The following ANKK1 variants were observed in gnomAD, a reference collection of about 807,000 sequenced individuals.
The protein encoded by ANKK1 is ankyrin repeat and kinase domain containing 1, also known as ankyrin repeat and protein kinase domain-containing protein 1.
In ANKK1, 37 loss-of-function variants were observed where a neutral mutation model predicts 37.6. The observed-to-expected ratio is 0.98, with a 90% CI of 0.76 to 1.29. The LOEUF is 1.29. Ranked by LOEUF, ANKK1 falls within the 50% of genes most tolerant of loss-of-function variation. The pLI is 0.00. For missense variants in ANKK1, 1,019 were observed against 990.6 expected, an observed-to-expected ratio of 1.03 and a Z score of -0.39; for synonymous variants, 415 against 418.7, an observed-to-expected ratio of 0.99 and a Z score of 0.11.
intron 6 of ANKK1, 69 bp downstream of exon 6, chr11:113,397,411 T>C: frequency 1.5e-6 from 2 of 1,349,864 alleles, no homozygotes; most frequent in Non-Finnish European, 2.1e-6. Context: ...ACTGTTGTGA[T>C]CTCTGGCCAG....
In ANKK1 at chr11:113,399,416, C is replaced by T. The variant is rs533347208; in HGVS notation, c.1447C>T (p.Arg483Cys). 4.0e-5 allele frequency: 64 copies of T among 1,599,896 alleles called. 2 individuals are homozygous for T. The highest frequency in any genetic ancestry group is 2.9e-4 in the South Asian group (26 of 88,296). ...GAATGTGGCACGGCTTCTGGTCTCC[C>T]GTCAGGCTGACCCCAACCTGCATGA... Reference protein sequence around the residue: ...FENVARLLVSRQADPNLHEAE... With the variant: ...FENVARLLVSCQADPNLHEAE... Residue 483 changes from arginine (R) to cysteine (C), a missense_variant, in exon 8 of 8, where the codon CGT becomes TGT. Physicochemically the swap from Arg to Cys is radical, Grantham distance 180. Transcript: ENST00000303941.
In ANKK1 at chr11:113,388,090, C is replaced by G. The variant is rs1262526613; in HGVS notation, c.185+21C>G. 2.8e-6 allele frequency: 4 copies of G among 1,453,806 alleles called. No individual in the cohort carries two copies. In the Admixed American group the frequency reaches 9.6e-5, roughly 35 times the overall value. The allele number at this position is 1,453,806 out of a possible 1,614,324, so 90.1% of individuals were successfully genotyped here. On this transcript the variant is annotated intron_variant, in intron 1 of 7. Transcript: ENST00000303941. ...GCCAGGTACTGCCAGCCTCGCCCTC[C>G]CCTTTCTCGGAGGAGAAACTGAGGC...
At chr11:113,397,192 C>T (rs1322004593) in intron 5 of ANKK1, 32 bp from the exon 6 acceptor site, 10 of 1,582,524 alleles carry the variant, frequency 6.3e-6, no homozygotes, top group Non-Finnish European at 8.6e-6. Flanking sequence ...CCCGTTGCTT[C>T]CTTTCCTGTC....
In ANKK1 at chr11:113,396,048, C is replaced by A; in HGVS notation, c.683-19C>A. The A allele has an allele frequency of 1.2e-6, 2 of 1,612,746 alleles. No homozygotes were observed. The highest frequency in any genetic ancestry group is 8.5e-7 in the Non-Finnish European group (1 of 1,179,176). ...GCCCTACCTCTCAGCACCCACATAGCCTGAGCCTCCCTTTGCAGGGTTCAA... is the reference window on the plus strand; with the variant it reads ...GCCCTACCTCTCAGCACCCACATAGACTGAGCCTCCCTTTGCAGGGTTCAA... On this transcript the variant is annotated intron_variant, in intron 4 of 7. Transcript: ENST00000303941.
chr11:113,387,831 C>A lies in ANKK1; in HGVS notation c.-54C>A. 7.0e-7 allele frequency: 1 copy of A among 1,437,612 alleles called. No individual in the cohort carries two copies. Among genetic ancestry groups the A allele is most frequent in the Non-Finnish European group, 9.1e-7 (1 of 1,093,678 alleles). 89.1% of individuals were successfully genotyped at this position (1,437,612 alleles called of 1,614,324 possible). ...GGAAGCGGCGGCTCCTTCGGCCACC[C>A]AGGCAGCAGCCACAGCGGGGAGTGC... On this transcript the variant is annotated 5_prime_UTR_variant, in exon 1 of 8. Coordinates refer to ENST00000303941, the MANE Select transcript of ANKK1 (RefSeq NM_178510.2).
chr11:113,399,507 T>C lies in ANKK1; in HGVS notation c.1538T>C (p.Leu513Pro). Residue 513 changes from leucine (L) to proline (P), a missense_variant, in exon 8 of 8, where the codon CTG (leucine) becomes CCG (proline). By Grantham distance (98) the Leu-to-Pro change is moderately conservative. Coordinates refer to ENST00000303941, the MANE Select transcript of ANKK1 (RefSeq NM_178510.2). ...GGCCATGTTAGCCTGGTCAAGCTGC[T>C]GACCAGCCAGGGGGCTGAGTTGGAT... ...YFGHVSLVKLLTSQGAELDAQ... is the reference protein window; with the variant it reads ...YFGHVSLVKLPTSQGAELDAQ... 6.3e-7 allele frequency: 1 copy of C among 1,594,178 alleles called. No individual in the cohort carries two copies. The highest frequency in any genetic ancestry group is 8.5e-7 in the Non-Finnish European group (1 of 1,170,766).
At chr11:113,395,280 C>G (rs1950628377) in intron 3 of ANKK1, 79 bp from the exon 4 acceptor site, 1 of 1,578,174 alleles carries the variant, frequency 6.3e-7, no homozygotes, top group African/African-American at 1.3e-5. Context: ...AACTGTAGCC[C>G]CCCGACCCTG....
At chr11:113,395,157 C>T in intron 3 of ANKK1, 77 bp downstream of exon 3, 6 of 1,529,054 alleles carry the variant, frequency 3.9e-6, no homozygotes, top group Non-Finnish European at 5.3e-6. Flanking sequence ...CCTCTATGGC[C>T]CAAAGGGCAG....
chr11:113,399,714 A>G lies in ANKK1; in HGVS notation c.1745A>G (p.Tyr582Cys). ...CTGATCTGCAAGATGCTGCTCAGGTACGGAGCCAGCCTTGAGCTGCCCACC... is the reference window on the plus strand; with the variant it reads ...CTGATCTGCAAGATGCTGCTCAGGTGCGGAGCCAGCCTTGAGCTGCCCACC... ...KYLICKMLLR[Y>C]GASLELPTHQ... is the part of the protein sequence containing the mutation. Residue 582 changes from tyrosine to cysteine, a missense_variant, in exon 8 of 8, where the codon TAC (tyrosine) becomes TGC (cysteine). Physicochemically the swap from Tyr to Cys is radical, Grantham distance 194. Transcript: ENST00000303941. 1 of 1,599,052 alleles carries G rather than the reference A, an allele frequency of 6.3e-7. No homozygotes were observed.
chr11:113,389,495 G>C lies in ANKK1; in HGVS notation c.185+1426G>C, dbSNP rs369753671. 8.2e-4 allele frequency among the ~76,000 whole-genome samples: 125 copies of C among 152,228 alleles called. 4 individuals carry two copies. The South Asian group carries it at 0.025, about 31-fold the overall frequency. On this transcript the variant is annotated intron_variant, in intron 1 of 7. Transcript: ENST00000303941. The stretch of plus-strand genomic sequence containing the variant: ...TGCAACAGATGTGTCCTTTCTCTCC[G>C]GGAGATTGCAGCCTAGGGGGAGGAA...
rs34983219 is a variant in ANKK1 at position 113,399,320 on chromosome 11, G to A, written c.1351G>A (p.Gly451Arg). 0.024 allele frequency: 38,242 copies of A among 1,599,746 alleles called. 631 individuals are homozygous for A. Among genetic ancestry groups the A allele is most frequent in the Non-Finnish European group, 0.026 (31,085 of 1,173,436 alleles). ...CACTGCGCGCCTGCTCCTGGACCAC[G>A]GGGCCTGTGTGGATGCCCAGGAACG... ...DGTARLLLDH[G>R]ACVDAQEREG... The change falls in exon 8 of 8, where the codon GGG becomes AGG. Residue 451 changes from glycine to arginine, a missense_variant. Coordinates refer to ENST00000303941, the MANE Select transcript of ANKK1 (RefSeq NM_178510.2).
Position 113,387,963 on chromosome 11 carries a change from C to T in ANKK1, c.79C>T (p.Leu27=). The T allele has an allele frequency of 6.3e-7, 1 of 1,575,124 alleles. No individual in the cohort carries two copies. Among genetic ancestry groups the T allele is most frequent in the Non-Finnish European group, 8.6e-7 (1 of 1,166,670 alleles). ...CGACGACTTCGAGGGCGACTGGCGC[C>T]TAGTGGCCAGCGGCGGCTTCAGCCA... ...TRDDFEGDWR[L]VASGGFSQVF... Residue 27 remains leucine (L), a synonymous_variant, in exon 1 of 8, where the codon CTA becomes TTA. Transcript: ENST00000303941.
intron 1 of ANKK1, among the ~76,000 whole-genome samples, chr11:113,391,661 A>G (rs983579427): frequency 6.6e-6 from 1 of 152,198 alleles, no homozygotes; most frequent in African/African-American, 2.4e-5. Flanking sequence ...ATTCACTGAA[A>G]TGATGAAAAC....
Position 113,388,068 on chromosome 11 carries a change from A to G in ANKK1, c.184A>G (p.Ser62Gly). 1 of 1,489,532 alleles carries G rather than the reference A, an allele frequency of 6.7e-7. No individual in the cohort carries two copies. The allele number at this position is 1,489,532 out of a possible 1,614,324, so 92.3% of individuals were successfully genotyped here. The stretch of plus-strand genomic sequence containing the variant: ...CCCCTGCCTTCCACCCGACGCCGCC[A>G]GGTACTGCCAGCCTCGCCCTCCCCT... ...CAPCLPPDAA[S>G]SDVNYLIEEA... Residue 62 changes from serine (S) to glycine (G), a missense_variant and splice_region_variant, in exon 1 of 8, where the codon AGC becomes GGC. Ser to Gly is a moderately conservative substitution (Grantham distance 56). Coordinates refer to ENST00000303941, the MANE Select transcript of ANKK1 (RefSeq NM_178510.2).
intron 7 of ANKK1, among the ~76,000 whole-genome samples, chr11:113,398,303 G>A (rs577345549): frequency 1.1e-4 from 15 of 131,374 alleles, no homozygotes; most frequent in East Asian, 4.3e-4. Flanking sequence ...TGTTAGAATT[G>A]CTCGGGAAAT....
intron 1 of ANKK1, among the ~76,000 whole-genome samples, chr11:113,392,161 C>T (rs1398957942): frequency 6.6e-6 from 1 of 152,168 alleles, no homozygotes. Context: ...TACAATTATT[C>T]CCAGTTTTTA....
In ANKK1 at chr11:113,393,557, G is replaced by T; in HGVS notation, c.262G>T (p.Gly88Trp). 1 of 1,613,956 alleles carries T rather than the reference G, an allele frequency of 6.2e-7. No homozygotes were observed. The highest frequency in any genetic ancestry group is 8.5e-7 in the Non-Finnish European group (1 of 1,179,882). The change falls in exon 2 of 8, where the codon GGG becomes TGG. Residue 88 changes from glycine to tryptophan, a missense_variant. By Grantham distance (184) the Gly-to-Trp change is radical. Transcript: ENST00000303941. The stretch of plus-strand genomic sequence containing the variant: ...GTTTCAGCACATCGTGTCTATCTAC[G>T]GGGTGTGCAAGCAGCCCCTGGGTAT... Reference protein sequence around the residue: ...IKFQHIVSIYGVCKQPLGIVM... With the variant: ...IKFQHIVSIYWVCKQPLGIVM...
Position 113,393,475 on chromosome 11 carries a change from C to T in ANKK1, c.186-6C>T. On this transcript the variant is annotated splice_region_variant and splice_polypyrimidine_tract_variant and intron_variant, in intron 1 of 7. Transcript: ENST00000303941. Reference sequence around the variant, plus strand: ...CCCTTCCATATCTTGCTCCCCCTCTCCATAGCTCTGATGTGAATTACCTCA... The same window carrying T: ...CCCTTCCATATCTTGCTCCCCCTCTTCATAGCTCTGATGTGAATTACCTCA... The T allele has an allele frequency of 6.2e-7, 1 of 1,609,066 alleles. No individual in the cohort carries two copies. Among genetic ancestry groups the T allele is most frequent in the South Asian group, 1.1e-5 (1 of 90,282 alleles).
Position 113,399,466 on chromosome 11 carries a change from T to C in ANKK1, c.1497T>C (p.His499=). ...AGGCTGAGGGCAAGACCCCCCTCCA[T>C]GTGGCCGCCTACTTTGGCCATGTTA... ...LHEAEGKTPL[H]VAAYFGHVSL... Residue 499 remains histidine, a synonymous_variant, in exon 8 of 8, where the codon CAT becomes CAC. Transcript: ENST00000303941. 6.3e-7 allele frequency: 1 copy of C among 1,593,236 alleles called. No homozygotes were observed.
Sources: allele counts gnomAD v4.1 joint callset (sites outside exome capture counted in the v4.1 genomes callset), GRCh38; gene constraint gnomAD v4.1.1; transcripts MANE v1.5; gene names NCBI Gene and HGNC (gene_info 2026-07-23, HGNC 2026-07-21).